The following DISP3 variants were observed in gnomAD, a reference collection of about 807,000 sequenced individuals.
The protein encoded by DISP3 is protein dispatched homolog 3.
DISP3 carries 101 observed loss-of-function variants against 135.3 expected under a neutral mutation model. The ratio of observed to expected loss-of-function variants is 0.75; its 90% CI spans 0.64 to 0.88. The LOEUF (loss-of-function observed/expected upper bound fraction) is 0.88. Among genes scored for constraint, DISP3 ranks in the 40% least tolerant of loss-of-function variants. DISP3 has a pLI of 0.00. For synonymous variants in DISP3, 856 were observed against 817.0 expected, an observed-to-expected ratio of 1.05 and a Z score of -0.81; for missense variants, 1,713 against 1,878.6, an observed-to-expected ratio of 0.91 and a Z score of 1.63.
rs746319373 is a variant in DISP3 at position 11,501,772 on chromosome 1, C to G, written c.780C>G (p.Arg260=). 6.3e-7 allele frequency: 1 copy of G among 1,594,232 alleles called. No homozygotes were observed. The highest frequency in any genetic ancestry group is 1.3e-5 in the African/African-American group (1 of 74,498). ...RRGASRWDYS[R]AYVSANTQTH... is the part of the protein sequence containing the mutation. ...GCGCCTCGCGCTGGGACTACTCGCG[C>G]GCCTATGTGAGTGCCAACACTCAGA... The change falls in exon 2 of 21, where the codon CGC becomes CGG. Residue 260 remains arginine, a synonymous_variant. Coordinates refer to ENST00000294484, the MANE Select transcript of DISP3 (RefSeq NM_020780.2). The surrounding 1 kb of genome is among the most constrained non-coding windows in gnomAD (Gnocchi z 4.9).
At chr1:11,523,221 A>G (rs1284169453) in intron 10 of DISP3, among the ~76,000 whole-genome samples, 1 of 152,214 alleles carries the variant, frequency 6.6e-6, no homozygotes, top group Non-Finnish European at 1.5e-5. Flanking sequence ...TTGAAGGTGT[A>G]GTTCTCTCAT....
chr1:11,511,586 G>A (rs1319744549), intron 3 of DISP3, among the ~76,000 whole-genome samples: 1 of 152,192 alleles, frequency 6.6e-6, no homozygotes, highest in Non-Finnish European at 1.5e-5. Context: ...GCTTTACAGG[G>A]TACAGCCTCC....
chr1:11,514,637 C>T, intron 4 of DISP3, 111 bp downstream of exon 4: 1 of 1,376,792 alleles, frequency 7.3e-7, no homozygotes, highest in Non-Finnish European at 1.0e-6. Context: ...CATGTCAGAG[C>T]TGGGGACACA....
intron 1 of DISP3, among the ~76,000 whole-genome samples, chr1:11,494,389 C>T (rs969526529): frequency 9.9e-5 from 15 of 152,240 alleles, no homozygotes; most frequent in African/African-American, 3.1e-4. Flanking sequence ...TGATTTTGCC[C>T]GTTTCACCAC....
chr1:11,509,107 C>T (rs1019256195), intron 3 of DISP3, among the ~76,000 whole-genome samples: 1 of 152,084 alleles, frequency 6.6e-6, no homozygotes, highest in African/African-American at 2.4e-5. Flanking sequence ...TTTTCATTTT[C>T]ATTCAGTTCA....
rs1641489847 is a variant in DISP3, at chr1:11,500,973, C to G, written c.-3-17C>G. ...TCACTGTCTCTCTAGCCTGCTGACC[C>G]TCTCCCTCTCCTGCAGACTATGGAC... is the stretch of plus-strand genomic sequence containing the variant. On this transcript the variant is annotated splice_polypyrimidine_tract_variant and intron_variant, in intron 1 of 20. Coordinates refer to ENST00000294484, the MANE Select transcript of DISP3 (RefSeq NM_020780.2). 1 of 1,612,690 alleles carries G rather than the reference C, an allele frequency of 6.2e-7. No individual in the cohort carries two copies. The highest frequency in any genetic ancestry group is 1.3e-5 in the African/African-American group (1 of 74,900).
Position 11,519,246 on chromosome 1 carries a change from G to A in DISP3, c.1890-109G>A, listed in dbSNP as rs1052530705. The stretch of plus-strand genomic sequence containing the variant: ...CTGGGGTGCTCATCCTGTGTGTGAC[G>A]TCAGCAGCACTGTGATACCTGGGTT... On this transcript the variant is annotated intron_variant, in intron 7 of 20. Coordinates refer to ENST00000294484, the MANE Select transcript of DISP3 (RefSeq NM_020780.2). This position sits in a 1 kb window ranked among gnomAD's most constrained non-coding sequence, Gnocchi z 4.3. 7.6e-6 allele frequency: 10 copies of A among 1,321,976 alleles called. No individual in the cohort carries two copies. The Admixed American group carries it at 1.0e-4, about 13-fold the overall frequency. 81.9% of individuals were successfully genotyped at this position (1,321,976 alleles called of 1,614,324 possible).
chr1:11,515,838 G>C (rs1004354464), intron 5 of DISP3, among the ~76,000 whole-genome samples, 163 bp from the exon 6 acceptor site: 2 of 152,124 alleles, frequency 1.3e-5, no homozygotes, highest in African/African-American at 4.8e-5. Context: ...CTCTTGGTGG[G>C]AGGAGCCAAT....
chr1:11,493,568 A>G (rs1383552280), intron 1 of DISP3, among the ~76,000 whole-genome samples: 1 of 152,136 alleles, frequency 6.6e-6, no homozygotes, highest in African/African-American at 2.4e-5. Flanking sequence ...TACTAAAAAT[A>G]CAAAAATTAG....
At chr1:11,490,293 G>A (rs1311317235) in intron 1 of DISP3, among the ~76,000 whole-genome samples, 1 of 152,136 alleles carries the variant, frequency 6.6e-6, no homozygotes, top group Non-Finnish European at 1.5e-5. Context: ...TTGGGATGAT[G>A]TTTCGCTCTT....
At position 11,534,397 on chromosome 1, in the gene DISP3, A is replaced by C. The variant is rs775938629; in HGVS notation, c.3392A>C (p.Lys1131Thr). The C allele has an allele frequency of 6.2e-7, 1 of 1,614,096 alleles. No individual in the cohort carries two copies. Among genetic ancestry groups the C allele is most frequent in the Non-Finnish European group, 8.5e-7 (1 of 1,180,032 alleles). ...MAFESTTYKG[K>T]SSFQTYSDYL... ...TCCCCACAGACCACGTACAAGGGCA[A>C]ATCCTCCTTCCAGACCTACTCGGAC... The change falls in exon 18 of 21, where the codon AAA becomes ACA. Residue 1131 changes from lysine (K) to threonine (T), a missense_variant. This residue lies in a region of DISP3 where 1,142 missense variants were observed against 1,384.6 expected (regional missense o/e 0.82). Coordinates refer to ENST00000294484, the MANE Select transcript of DISP3 (RefSeq NM_020780.2).
intron 10 of DISP3, among the ~76,000 whole-genome samples, chr1:11,522,290 C>A (rs767785205): frequency 1.5e-4 from 23 of 152,056 alleles, no homozygotes; most frequent in Non-Finnish European, 1.5e-5. Context: ...TTAATTAGGG[C>A]GGTGCTGAGA....
intron 1 of DISP3, among the ~76,000 whole-genome samples, chr1:11,495,935 T>C (rs914145430): frequency 6.6e-6 from 1 of 152,216 alleles, no homozygotes; most frequent in Non-Finnish European, 1.5e-5. Context: ...TCCCCACACA[T>C]ACACACATAT....
intron 1 of DISP3, among the ~76,000 whole-genome samples, chr1:11,482,187 G>A (rs1557588079): frequency 6.6e-6 from 1 of 152,156 alleles, no homozygotes; most frequent in Non-Finnish European, 1.5e-5. Context: ...GGATGGAATT[G>A]TCTGAGTTAA....
chr1:11,488,025 C>T (rs997631975), intron 1 of DISP3, among the ~76,000 whole-genome samples: 2 of 152,160 alleles, frequency 1.3e-5, no homozygotes, highest in African/African-American at 4.8e-5. Flanking sequence ...TCCCATTAAA[C>T]TTTGGATAAC....
intron 1 of DISP3, among the ~76,000 whole-genome samples, chr1:11,480,047 T>G (rs538458271): frequency 8.6e-5 from 13 of 152,032 alleles, no homozygotes; most frequent in Non-Finnish European, 1.5e-4. Context: ...CGGGAAAGAT[T>G]CCCAGCGCAA....
chr1:11,500,007 C>T (rs945619582), intron 1 of DISP3, among the ~76,000 whole-genome samples: 1 of 152,254 alleles, frequency 6.6e-6, no homozygotes, highest in Non-Finnish European at 1.5e-5. Flanking sequence ...CCGGGGATGC[C>T]GGAAAGCCTC....
In DISP3 at chr1:11,529,538, C is replaced by T. The variant is rs1163429146; in HGVS notation, c.2799-18C>T. The stretch of plus-strand genomic sequence containing the variant: ...CCTAGCCTTTCCGGCCTCAGCCCAG[C>T]CTCCATTCCCTCCACAGGAAGCTGT... On this transcript the variant is annotated intron_variant, in intron 13 of 20. Coordinates refer to ENST00000294484, the MANE Select transcript of DISP3 (RefSeq NM_020780.2). The surrounding 1 kb of genome is among the most constrained non-coding windows in gnomAD (Gnocchi z 4.7). The T allele has an allele frequency of 6.5e-7, 1 of 1,541,344 alleles. No homozygotes were observed. Among genetic ancestry groups the T allele is most frequent in the South Asian group, 1.2e-5 (1 of 81,800 alleles).
intron 17 of DISP3, among the ~76,000 whole-genome samples, chr1:11,532,871 T>A (rs983072990): frequency 2.0e-5 from 3 of 151,934 alleles, no homozygotes; most frequent in Admixed American, 2.0e-4. Context: ...CTAATTTTTT[T>A]AATTTTTATT....
Sources: gnomAD v4.1 joint callset for allele counts (sites outside exome capture counted in the v4.1 genomes callset) on GRCh38, gnomAD v4.1.1 for gene constraint, gnomAD v4.1.1 regional missense constraint, Gnocchi (gnomAD v3.1) non-coding constraint, MANE v1.5 for transcripts, NCBI Gene and HGNC (gene_info 2026-07-23, HGNC 2026-07-21) for gene names.